Variants in NTS observed in about 807,000 individuals in gnomAD.
The protein encoded by NTS is neurotensin/neuromedin N.
NTS carries 20 observed loss-of-function variants against 19.5 expected under a neutral mutation model. The observed-to-expected ratio is 1.02, with a 90% CI of 0.72 to 1.49. NTS has a LOEUF of 1.49. Among genes scored for constraint, NTS ranks in the 40% most tolerant of loss-of-function variants. The probability of loss-of-function intolerance (pLI) is 0.00; values close to 1 mark genes in which losing one functional copy is unlikely to be tolerated. For synonymous variants in NTS, 71 were observed against 63.3 expected (o/e 1.12, Z -0.58); for missense variants, 215 against 193.1 (o/e 1.11, Z -0.67).
intron 3 of NTS, 63 bp from the exon 4 acceptor site, chr12:85,882,160 A>C (rs1592551717): frequency 5.4e-6 from 7 of 1,302,658 alleles, no homozygotes; most frequent in Non-Finnish European, 7.6e-6. Flanking sequence ...GAATGTAGAA[A>C]AATGCTCTGA....
chr12:85,882,095 A>G (rs1881514936), intron 3 of NTS, 128 bp from the exon 4 acceptor site: 3 of 687,394 alleles, frequency 4.4e-6, no homozygotes, highest in African/African-American at 1.9e-5. Context: ...TTTGAACTTC[A>G]TGTATCTCGT....
At chr12:85,877,398 GTT>G (rs2136590416) in intron 2 of NTS, among the ~76,000 whole-genome samples, 1 of 130,690 alleles carries the variant, frequency 7.7e-6, no homozygotes, top group South Asian at 2.3e-4. Flanking sequence ...ATTTTTACAT[GTT>G]CTTTTTTTTT....
At chr12:85,874,797 AG>A (rs1274796549) in intron 1 of NTS, among the ~76,000 whole-genome samples, 1 of 152,196 alleles carries the variant, frequency 6.6e-6, no homozygotes, top group Admixed American at 6.5e-5. Flanking sequence ...AGAAATACAG[AG>A]GCAGTGGCTG....
chr12:85,880,952 G>A (rs953345406), intron 3 of NTS, among the ~76,000 whole-genome samples: 1 of 151,836 alleles, frequency 6.6e-6, no homozygotes, highest in African/African-American at 2.4e-5. Flanking sequence ...ACTCCATCTC[G>A]AGCAAACAAA....
At chr12:85,874,557 A>T (rs898750437) in intron 1 of NTS, 81 bp downstream of exon 1, 1 of 919,390 alleles carries the variant, frequency 1.1e-6, no homozygotes, top group Non-Finnish European at 1.8e-6. Context: ...ATGTTAATGT[A>T]TCTGGGGAGA....
chr12:85,875,979 A>T (rs1263138125), intron 1 of NTS, among the ~76,000 whole-genome samples: 1 of 151,980 alleles, frequency 6.6e-6, no homozygotes, highest in East Asian at 1.9e-4. Flanking sequence ...GTTTTTTAAA[A>T]ATCCAGAGAT....
At chr12:85,880,691 G>A (rs1881482797) in intron 3 of NTS, among the ~76,000 whole-genome samples, 1 of 152,130 alleles carries the variant, frequency 6.6e-6, no homozygotes, top group Non-Finnish European at 1.5e-5. Flanking sequence ...GGTGGCTCAC[G>A]CCTGTAATCC....
intron 3 of NTS, 43 bp downstream of exon 3, chr12:85,878,612 G>T: frequency 2.7e-6 from 3 of 1,122,242 alleles, no homozygotes; most frequent in Non-Finnish European, 3.8e-6. Context: ...AGTTACACTA[G>T]TTAGCTCTCA....
intron 3 of NTS, among the ~76,000 whole-genome samples, chr12:85,878,780 T>C (rs2136591577): frequency 6.6e-6 from 1 of 152,162 alleles, no homozygotes; most frequent in South Asian, 2.1e-4. Flanking sequence ...TCTTCAATAT[T>C]AAAAAGAGGA....
At chr12:85,881,199 A>C (rs1417528613) in intron 3 of NTS, among the ~76,000 whole-genome samples, 2 of 152,146 alleles carry the variant, frequency 1.3e-5, no homozygotes, top group Non-Finnish European at 2.9e-5. Context: ...AAAGATTAAG[A>C]AACTAGATTG....
At chr12:85,875,750 A>C (rs1209276496) in intron 1 of NTS, among the ~76,000 whole-genome samples, 2 of 152,018 alleles carry the variant, frequency 1.3e-5, no homozygotes, top group African/African-American at 4.8e-5. Context: ...AAATTCCTAA[A>C]ACAGATTATG....
At chr12:85,880,745 G>A (rs1384460259) in intron 3 of NTS, among the ~76,000 whole-genome samples, 1 of 152,150 alleles carries the variant, frequency 6.6e-6, no homozygotes, top group Non-Finnish European at 1.5e-5. Context: ...GAGGTCAAGA[G>A]ATGGAGACCA....
intron 3 of NTS, among the ~76,000 whole-genome samples, chr12:85,878,900 A>T (rs1881408113): frequency 6.6e-6 from 1 of 151,962 alleles, no homozygotes. Flanking sequence ...AATTTAAGCA[A>T]CTCAAAATGT....
chr12:85,882,287 G>A lies in NTS; in HGVS notation c.425G>A (p.Arg142Lys). The A allele has an allele frequency of 6.2e-7, 1 of 1,608,832 alleles. No individual in the cohort carries two copies. Among genetic ancestry groups the A allele is most frequent in the Non-Finnish European group, 8.5e-7 (1 of 1,177,630 alleles). Residue 142 changes from arginine to lysine, a missense_variant, in exon 4 of 4, where the codon AGA becomes AAA. By Grantham distance (26) the Arg-to-Lys change is conservative (BLOSUM62 2). Transcript: ENST00000256010. ...AATGGAAAGGAAGAAGTCATAAAGA[G>A]AAAAATTCCTTATATTCTGAAACGG... Reference protein sequence around the residue: ...DKNGKEEVIKRKIPYILKRQL... With the variant: ...DKNGKEEVIKKKIPYILKRQL...
Position 85,876,776 on chromosome 12 carries a change from A to G in NTS, c.135+75A>G, listed in dbSNP as rs1881355543. ...ATTATAAACATGGTATCCTTTTCCC[A>G]TAGTAATAACTTCTCATCAAGATTG... On this transcript the variant is annotated intron_variant, in intron 2 of 3. Coordinates refer to ENST00000256010, the MANE Select transcript of NTS (RefSeq NM_006183.5). 3.9e-6 allele frequency: 3 copies of G among 760,986 alleles called. No individual in the cohort carries two copies. In the South Asian group the frequency reaches 7.6e-5, roughly 19 times the overall value. The allele number at this position is 760,986 out of a possible 1,614,324, so 47.1% of individuals were successfully genotyped here. A position where few individuals can be genotyped will look rare whatever the true frequency, so the allele number is the denominator to read the frequency against.
At chr12:85,880,022 A>G (rs972446177) in intron 3 of NTS, among the ~76,000 whole-genome samples, 1 of 150,130 alleles carries the variant, frequency 6.7e-6, no homozygotes, top group Admixed American at 6.7e-5. Flanking sequence ...ATATATCCCT[A>G]TTATTCCAGT....
chr12:85,881,352 A>G (rs1468814338), intron 3 of NTS, among the ~76,000 whole-genome samples: 1 of 152,176 alleles, frequency 6.6e-6, no homozygotes, highest in Admixed American at 6.5e-5. Flanking sequence ...CCCTCAAATT[A>G]GAAGACAACC....
intron 1 of NTS, among the ~76,000 whole-genome samples, chr12:85,875,772 TAGTG>T (rs1881327453): frequency 6.6e-6 from 1 of 152,008 alleles, no homozygotes; most frequent in Admixed American, 6.6e-5. Context: ...CTCTAACAAA[TAGTG>T]AGAAAAGATC....
chr12:85,879,778 A>T (rs1314880480), intron 3 of NTS, among the ~76,000 whole-genome samples: 1 of 136,616 alleles, frequency 7.3e-6, no homozygotes, highest in Non-Finnish European at 1.6e-5. Flanking sequence ...TATAAAATAT[A>T]TTTTTTGTAT....
Sources: allele counts gnomAD v4.1 joint callset (sites outside exome capture counted in the v4.1 genomes callset), GRCh38; gene constraint gnomAD v4.1.1; transcripts MANE v1.5; gene names NCBI Gene and HGNC (gene_info 2026-07-23, HGNC 2026-07-21).